Variants in PSMD5 observed in about 807,000 individuals in gnomAD.
The protein encoded by PSMD5 is proteasome 26S subunit, non-ATPase 5.
A neutral mutation model predicts 52.1 loss-of-function variants in PSMD5; 40 were observed. The observed-to-expected ratio is 0.77, with a 90% confidence interval of 0.60 to 1.00. The LOEUF (loss-of-function observed/expected upper bound fraction) is 1.00, where lower values mean the gene tolerates loss of function less well. Among genes scored for constraint, PSMD5 ranks in the 50% least tolerant of loss-of-function variants. PSMD5 has a pLI of 0.00. For synonymous variants in PSMD5, 211 were observed against 226.6 expected, an observed-to-expected ratio of 0.93 and a Z score of 0.62; for missense variants, 575 against 605.2, an observed-to-expected ratio of 0.95 and a Z score of 0.52.
At chr9:120,840,572 A>G (rs886135022) in intron 1 of PSMD5, among the ~76,000 whole-genome samples, 1 of 149,838 alleles carries the variant, frequency 6.7e-6, no homozygotes, top group African/African-American at 2.5e-5. Flanking sequence ...CAGCCTCCCA[A>G]CTAGCTGGGA....
intron 1 of PSMD5, among the ~76,000 whole-genome samples, chr9:120,841,318 G>C: frequency 6.6e-6 from 1 of 152,038 alleles, no homozygotes; most frequent in East Asian, 1.9e-4. Context: ...AGTGGCTCAC[G>C]CCTGTAATCC....
Position 120,826,927 on chromosome 9 carries a change from AAAAC to A in PSMD5, c.672-24_672-21del. 2 of 1,601,586 alleles carry A rather than the reference AAAAC, an allele frequency of 1.2e-6. No individual in the cohort carries two copies. Among genetic ancestry groups the A allele is most frequent in the Non-Finnish European group, 1.7e-6 (2 of 1,173,328 alleles). On this transcript the variant is annotated intron_variant, in intron 5 of 9. Transcript: ENST00000210313. ...GTGGCTCTAAAATGTCAGAAGGACAAAAACAAGGAGATTTTGCACAGGATTTGCA... is the reference window on the plus strand; with the variant it reads ...GTGGCTCTAAAATGTCAGAAGGACAAAAGGAGATTTTGCACAGGATTTGCA...
intron 1 of PSMD5, among the ~76,000 whole-genome samples, chr9:120,833,702 G>A (rs547855860): frequency 1.6e-5 from 2 of 123,620 alleles, no homozygotes; most frequent in South Asian, 2.7e-4. Flanking sequence ...TTTTTGAGGT[G>A]GAGTTTTGCT....
intron 6 of PSMD5, 106 bp downstream of exon 6, chr9:120,826,658 TA>T: frequency 7.4e-7 from 1 of 1,352,486 alleles, no homozygotes. Flanking sequence ...AAATCAGCTC[TA>T]AAGGAAAACA....
At chr9:120,823,525 T>C (rs2045100895) in intron 7 of PSMD5, among the ~76,000 whole-genome samples, 1 of 150,124 alleles carries the variant, frequency 6.7e-6, no homozygotes, top group Middle Eastern at 3.2e-3. Flanking sequence ...TTTTTTTTTT[T>C]TTTTGAGATA....
chr9:120,839,975 A>G (rs1235002447), intron 1 of PSMD5, among the ~76,000 whole-genome samples: 1 of 151,286 alleles, frequency 6.6e-6, no homozygotes, highest in Non-Finnish European at 1.5e-5. Flanking sequence ...ACAAAAAATT[A>G]GCTGGGCGTT....
rs560667166 is a variant in PSMD5 at position 120,818,254 on chromosome 9, A to G, written c.1258-91T>C. The G allele has an allele frequency of 2.1e-4, 277 of 1,323,400 alleles. No individual in the cohort carries two copies. In the African/African-American group the frequency reaches 3.9e-3, roughly 18 times the overall value. The allele number at this position is 1,323,400 out of a possible 1,614,324, so 82.0% of individuals were successfully genotyped here. A position where few individuals can be genotyped will look rare whatever the true frequency, so the allele number is the denominator to read the frequency against. ...AATATTTACAAAGAAATCTGGCAAC[A>G]TGAACTTTAAAAATGTTACCTTTTG... On this transcript the variant is annotated intron_variant, in intron 9 of 9. Coordinates refer to ENST00000210313, the MANE Select transcript of PSMD5 (RefSeq NM_005047.4).
chr9:120,822,013 A>G (rs1445974809), intron 7 of PSMD5, among the ~76,000 whole-genome samples: 1 of 151,914 alleles, frequency 6.6e-6, no homozygotes, highest in African/African-American at 2.4e-5. Flanking sequence ...TCTGCTTTCA[A>G]TTTTTTTTGG....
rs2045083665 is a variant in PSMD5 at position 120,821,424 on chromosome 9, T to C, written c.1047A>G (p.Gln349=). Residue 349 remains glutamine, a synonymous_variant, in exon 8 of 10, where the codon CAA becomes CAG. Transcript: ENST00000210313. ...FERLLMRIGH[Q]SKNAPVELKI... The stretch of plus-strand genomic sequence containing the variant: ...TTAGCTCCACTGGGGCATTCTTTGA[T>C]TGATGTCCTATTCTCATAAGCAAGC... 6.2e-7 allele frequency: 1 copy of C among 1,610,584 alleles called. No individual in the cohort carries two copies. Among genetic ancestry groups the C allele is most frequent in the Non-Finnish European group, 8.5e-7 (1 of 1,178,466 alleles).
At position 120,821,412 on chromosome 9, in the gene PSMD5, G is replaced by T; in HGVS notation, c.1059C>A (p.Ala353=). ...AACATCTAATTTTTAGCTCCACTGGGGCATTCTTTGATTGATGTCCTATTC... is the reference window on the plus strand; with the variant it reads ...AACATCTAATTTTTAGCTCCACTGGTGCATTCTTTGATTGATGTCCTATTC... The part of the protein sequence containing the change: ...LMRIGHQSKN[A]PVELKIRCLD... Residue 353 remains alanine, a synonymous_variant, in exon 8 of 10, where the codon GCC becomes GCA. Transcript: ENST00000210313. 2 of 1,609,056 alleles carry T rather than the reference G, an allele frequency of 1.2e-6. No individual in the cohort carries two copies. Among genetic ancestry groups the T allele is most frequent in the Non-Finnish European group, 1.7e-6 (2 of 1,177,592 alleles).
At chr9:120,826,414 A>G (rs1428125921) in intron 6 of PSMD5, among the ~76,000 whole-genome samples, 1 of 152,172 alleles carries the variant, frequency 6.6e-6, no homozygotes, top group Non-Finnish European at 1.5e-5. Flanking sequence ...ATTTGTTAAG[A>G]GTTTTTATCA....
intron 7 of PSMD5, chr9:120,824,109 T>TAAAAAA (rs34305055): frequency 1.2e-4 from 13 of 111,942 alleles, no homozygotes; most frequent in South Asian, 1.8e-4. Flanking sequence ...CTCAATCTCT[T>TAAAAAA]AAAAAAAAAA....
rs571851041 is a variant in PSMD5 at position 120,825,889 on chromosome 9, C to T, written c.814+876G>A. ...AGGGAAATTTTCACTTCTTTCTTTCCGATTTGGATGCCTTTTATTTATTTA... is the reference window on the plus strand; with the variant it reads ...AGGGAAATTTTCACTTCTTTCTTTCTGATTTGGATGCCTTTTATTTATTTA... On this transcript the variant is annotated intron_variant, in intron 6 of 9. Transcript: ENST00000210313. Among the ~76,000 whole-genome samples, 11 of 152,006 alleles carry T rather than the reference C, an allele frequency of 7.2e-5. No individual in the cohort carries two copies. The South Asian group carries it at 1.2e-3, about 17-fold the overall frequency.
At chr9:120,820,337 C>T (rs1249527501) in intron 9 of PSMD5, among the ~76,000 whole-genome samples, 1 of 152,214 alleles carries the variant, frequency 6.6e-6, no homozygotes, top group Non-Finnish European at 1.5e-5. Context: ...CATATGAGAA[C>T]CAACATTGTT....
chr9:120,835,420 G>A (rs1012727467), intron 1 of PSMD5, among the ~76,000 whole-genome samples: 2 of 152,174 alleles, frequency 1.3e-5, no homozygotes, highest in Admixed American at 6.5e-5. Context: ...CAGAATAGAC[G>A]AATCCATATA....
intron 1 of PSMD5, among the ~76,000 whole-genome samples, chr9:120,840,974 G>A (rs377102822): frequency 9.9e-5 from 15 of 151,666 alleles, no homozygotes; most frequent in Non-Finnish European, 1.3e-4. Flanking sequence ...GGATGGTCTC[G>A]ATCTCTTGAC....
intron 6 of PSMD5, among the ~76,000 whole-genome samples, chr9:120,825,642 A>C (rs2045116828): frequency 6.6e-6 from 1 of 152,254 alleles, no homozygotes; most frequent in South Asian, 2.1e-4. Context: ...TCACCTCCTT[A>C]AATTTATTCA....
chr9:120,820,046 A>G (rs2045072958), intron 9 of PSMD5, among the ~76,000 whole-genome samples: 1 of 152,186 alleles, frequency 6.6e-6, no homozygotes, highest in African/African-American at 2.4e-5. Context: ...ACAAAGATAA[A>G]TCAGATATGC....
Position 120,830,886 on chromosome 9 carries a change from A to AATATAT in PSMD5, c.561+439_561+444dup, listed in dbSNP as rs113275671. Among the ~76,000 whole-genome samples, 534 of 149,276 alleles carry AATATAT rather than the reference A, an allele frequency of 3.6e-3. 5 individuals carry two copies. Among genetic ancestry groups the AATATAT allele is most frequent in the African/African-American group, 0.012 (501 of 40,200 alleles). ...ATCATAGTAATTATATTGCACTGTAAATATATATATATATATAAAAAGGGT... is the reference window on the plus strand; with the variant it reads ...ATCATAGTAATTATATTGCACTGTAAATATATATATATATATATATATAAAAAGGGT... On this transcript the variant is annotated intron_variant, in intron 4 of 9. Coordinates refer to ENST00000210313, the MANE Select transcript of PSMD5 (RefSeq NM_005047.4).
Sources: gnomAD v4.1 joint callset for allele counts (sites outside exome capture counted in the v4.1 genomes callset) on GRCh38, gnomAD v4.1.1 for gene constraint, MANE v1.5 for transcripts, NCBI Gene and HGNC (gene_info 2026-07-23, HGNC 2026-07-21) for gene names.